KSR1: variants seen among roughly 807,000 people sequenced by gnomAD.
The protein encoded by KSR1 is kinase suppressor of ras 1, also known as kinase suppressor of ras.
A neutral mutation model predicts 92.9 loss-of-function variants in KSR1; 35 were observed. The ratio of observed to expected loss-of-function variants is 0.38; its 90% confidence interval spans 0.29 to 0.50. The LOEUF is 0.50. Ranked by LOEUF, KSR1 falls within the 20% of genes least tolerant of loss-of-function variation. The pLI, the probability that KSR1 is intolerant of heterozygous loss-of-function variation, is 0.94. For synonymous variants in KSR1, 467 were observed against 472.6 expected (o/e 0.99, Z 0.15); for missense variants, 972 against 1,158.5 (o/e 0.84, Z 2.34).
chr17:27,478,259 G>T (rs2068404422), intron 1 of KSR1, among the ~76,000 whole-genome samples: 1 of 152,200 alleles, frequency 6.6e-6, no homozygotes, highest in East Asian at 1.9e-4. Context: ...AAAGGGGATG[G>T]TGTCAGGGTT....
chr17:27,611,761 A>T, intron 18 of KSR1, 132 bp downstream of exon 18: 1 of 1,040,954 alleles, frequency 9.6e-7, no homozygotes, highest in Non-Finnish European at 1.4e-6. Context: ...GTGTCTAGCT[A>T]GAGATGAAAA....
chr17:27,545,507 A>C (rs2071136814), intron 1 of KSR1, among the ~76,000 whole-genome samples: 1 of 152,196 alleles, frequency 6.6e-6, no homozygotes, highest in African/African-American at 2.4e-5. Context: ...GCAGCATGGC[A>C]AGACCCCATC....
At chr17:27,529,766 T>C (rs2070461320) in intron 1 of KSR1, among the ~76,000 whole-genome samples, 1 of 152,214 alleles carries the variant, frequency 6.6e-6, no homozygotes, top group Non-Finnish European at 1.5e-5. Flanking sequence ...AAGCTCATCT[T>C]TTCCATGAAC....
chr17:27,468,253 T>A (rs892886635), intron 1 of KSR1, among the ~76,000 whole-genome samples: 1 of 151,742 alleles, frequency 6.6e-6, no homozygotes, highest in Non-Finnish European at 1.5e-5. Flanking sequence ...TTTTTTTTTC[T>A]GAGATGGAGC....
intron 10 of KSR1, among the ~76,000 whole-genome samples, chr17:27,597,703 G>A (rs1447790555): frequency 6.6e-6 from 1 of 152,166 alleles, no homozygotes; most frequent in Non-Finnish European, 1.5e-5. Flanking sequence ...ACCCAAGTCT[G>A]TCTGACATAA....
chr17:27,555,910 G>T (rs962264600), intron 2 of KSR1, among the ~76,000 whole-genome samples: 1 of 152,160 alleles, frequency 6.6e-6, no homozygotes, highest in Non-Finnish European at 1.5e-5. Context: ...GAAAATTGCT[G>T]CATCCCATTT....
At chr17:27,499,702 C>T (rs2069109911) in intron 1 of KSR1, among the ~76,000 whole-genome samples, 3 of 152,284 alleles carry the variant, frequency 2.0e-5, no homozygotes, top group Admixed American at 2.0e-4. Flanking sequence ...TCATGTGCTC[C>T]CCACAGTGAA....
At chr17:27,504,059 T>C (rs958448755) in intron 1 of KSR1, among the ~76,000 whole-genome samples, 3 of 152,182 alleles carry the variant, frequency 2.0e-5, no homozygotes, top group Admixed American at 6.5e-5. Flanking sequence ...CATCCAGTAT[T>C]TTATGGGTTG....
At chr17:27,562,521 T>C (rs1398176528) in intron 2 of KSR1, among the ~76,000 whole-genome samples, 3 of 152,156 alleles carry the variant, frequency 2.0e-5, no homozygotes, top group Admixed American at 1.3e-4. Flanking sequence ...AGCCCTGCCA[T>C]GAGATGGCTT....
intron 10 of KSR1, among the ~76,000 whole-genome samples, chr17:27,599,323 C>T (rs1192265789): frequency 6.6e-6 from 1 of 152,156 alleles, no homozygotes; most frequent in Non-Finnish European, 1.5e-5. Flanking sequence ...TTTGGGAGGC[C>T]GAGGTAGGCG....
intron 6 of KSR1, among the ~76,000 whole-genome samples, chr17:27,590,563 A>G (rs997909752): frequency 2.6e-5 from 4 of 152,182 alleles, no homozygotes; most frequent in Admixed American, 2.6e-4. Context: ...GCTGCTGCCA[A>G]ATTGGTACTG....
rs1005463985 is a variant in KSR1, at chr17:27,577,813, G to A, written c.520+174G>A. Reference sequence around the variant, plus strand: ...TGAGAAGCTCTCCCAGGGTCCTCAGGGCTCTGGATCCTGGTGGGTCTGGCC... The same window carrying A: ...TGAGAAGCTCTCCCAGGGTCCTCAGAGCTCTGGATCCTGGTGGGTCTGGCC... On this transcript the variant is annotated intron_variant, in intron 3 of 20. Transcript: ENST00000644974. The surrounding 1 kb of genome is among the most constrained non-coding windows in gnomAD (Gnocchi z 4.5). The A allele has an allele frequency of 1.4e-6, 1 of 709,022 alleles. No homozygotes were observed. Among genetic ancestry groups the A allele is most frequent in the Non-Finnish European group, 2.6e-6 (1 of 392,016 alleles). 43.9% of individuals were successfully genotyped at this position (709,022 alleles called of 1,614,324 possible).
At chr17:27,610,695 CT>C (rs1464768396) in intron 17 of KSR1, among the ~76,000 whole-genome samples, 1 of 152,130 alleles carries the variant, frequency 6.6e-6, no homozygotes, top group Non-Finnish European at 1.5e-5. Flanking sequence ...TTAGTTTCCC[CT>C]GTTTATGTTT....
At chr17:27,480,295 T>C (rs2068473756) in intron 1 of KSR1, among the ~76,000 whole-genome samples, 1 of 152,198 alleles carries the variant, frequency 6.6e-6, no homozygotes, top group South Asian at 2.1e-4. Flanking sequence ...ACACATACTG[T>C]GGTATTACTG....
chr17:27,549,732 G>A (rs1658347949), intron 1 of KSR1, among the ~76,000 whole-genome samples: 1 of 152,178 alleles, frequency 6.6e-6, no homozygotes, highest in African/African-American at 2.4e-5. Flanking sequence ...CAGTGGTCAT[G>A]GCTACACTTG....
chr17:27,467,619 G>A (rs1193407516), intron 1 of KSR1, among the ~76,000 whole-genome samples: 1 of 152,100 alleles, frequency 6.6e-6, no homozygotes, highest in African/African-American at 2.4e-5. Flanking sequence ...TAACAGTGAG[G>A]GGAAGAAAAA....
chr17:27,589,023 G>T (rs1240818202), intron 6 of KSR1, among the ~76,000 whole-genome samples: 2 of 152,220 alleles, frequency 1.3e-5, no homozygotes, highest in African/African-American at 4.8e-5. Context: ...GACAGCACGT[G>T]TGCATGTGTG....
chr17:27,576,354 A>G (rs2072505415), intron 2 of KSR1, among the ~76,000 whole-genome samples: 1 of 152,236 alleles, frequency 6.6e-6, no homozygotes, highest in Admixed American at 6.5e-5. Flanking sequence ...CTATACATAC[A>G]TACCTCTGAT....
At position 27,577,379 on chromosome 17, in the gene KSR1, G is replaced by C. The variant is rs868584274; in HGVS notation, c.373-113G>C. Reference sequence around the variant, plus strand: ...CACGTGGTGGCTCTGGTCAGAGGCCGGCCCAGCCAGCAGCTGGCCCCTGCC... The same window carrying C: ...CACGTGGTGGCTCTGGTCAGAGGCCCGCCCAGCCAGCAGCTGGCCCCTGCC... On this transcript the variant is annotated intron_variant, in intron 2 of 20. Transcript: ENST00000644974. The surrounding 1 kb of genome is among the most constrained non-coding windows in gnomAD (Gnocchi z 4.5). 6.1e-6 allele frequency: 4 copies of C among 659,932 alleles called. No individual in the cohort carries two copies. Among genetic ancestry groups the C allele is most frequent in the South Asian group, 5.5e-5 (3 of 54,264 alleles). 40.9% of individuals were successfully genotyped at this position (659,932 alleles called of 1,614,324 possible).
Sources: gnomAD v4.1 joint callset for allele counts (sites outside exome capture counted in the v4.1 genomes callset) on GRCh38, gnomAD v4.1.1 for gene constraint, Gnocchi (gnomAD v3.1) non-coding constraint, MANE v1.5 for transcripts, NCBI Gene and HGNC (gene_info 2026-07-23, HGNC 2026-07-21) for gene names.